Variants in LOXHD1 observed in about 807,000 individuals in gnomAD.
The protein encoded by LOXHD1 is lipoxygenase homology PLAT domains 1.
A neutral mutation model predicts 248.2 loss-of-function variants in LOXHD1; 205 were observed. The ratio of observed to expected loss-of-function variants is 0.83; its 90% confidence interval spans 0.74 to 0.93. The LOEUF (loss-of-function observed/expected upper bound fraction) is 0.93. Ranked by LOEUF, LOXHD1 falls within the 40% of genes least tolerant of loss-of-function variation. LOXHD1 has a pLI of 0.00. For synonymous variants in LOXHD1, 1,113 were observed against 1,162.8 expected (o/e 0.96, Z 0.87); for missense variants, 2,930 against 2,971.6 (o/e 0.99, Z 0.33).
rs74740919 is a variant in LOXHD1 at position 46,507,908 on chromosome 18, G to A, written c.5518-196C>T. ...GCCCTGTCCTGTGTGCCTGGCATGG[G>A]ATTTGAAGTCCTTACGAGGACTGCC... is the stretch of plus-strand genomic sequence containing the variant. On this transcript the variant is annotated intron_variant, in intron 35 of 40. Transcript: ENST00000642948. 0.018 allele frequency among the ~76,000 whole-genome samples: 2,747 copies of A among 152,280 alleles called. 74 individuals are homozygous for A. The highest frequency in any genetic ancestry group is 0.063 in the African/African-American group (2,600 of 41,530).
At position 46,546,904 on chromosome 18, in the gene LOXHD1, C is replaced by A. The variant is rs2143821653; in HGVS notation, c.3505G>T (p.Glu1169Ter). 1.3e-6 allele frequency: 2 copies of A among 1,550,290 alleles called. No homozygotes were observed. Among genetic ancestry groups the A allele is most frequent in the Non-Finnish European group, 8.7e-7 (1 of 1,145,840 alleles). ...CTCTAGTTTAGAAAACCTTTCTGCT[C>A]CAGGGCCAGGTTGTCGAGGGGGTTG... Reference protein sequence around the residue: ...DNNPLDNLALEQKDKSTTFSV... With the variant: ...DNNPLDNLAL The change falls in exon 22 of 41, where the codon GAG (glutamate) becomes TAG (stop). Residue 1169 changes from glutamate to a stop codon, truncating the protein, a stop_gained. Coordinates refer to ENST00000642948, the MANE Select transcript of LOXHD1 (RefSeq NM_001384474.1). LOFTEE classifies it high-confidence loss of function.
intron 26 of LOXHD1, among the ~76,000 whole-genome samples, chr18:46,535,372 G>A (rs1464506706): frequency 6.6e-6 from 1 of 151,882 alleles, no homozygotes; most frequent in Non-Finnish European, 1.5e-5. Flanking sequence ...CCTTAACCAC[G>A]ATGGTGTGCA....
intron 17 of LOXHD1, among the ~76,000 whole-genome samples, chr18:46,564,089 AGAGAGT>A (rs2037586810): frequency 6.9e-6 from 1 of 145,244 alleles, no homozygotes; most frequent in South Asian, 2.2e-4. Flanking sequence ...AGGGGGAGAG[AGAGAGT>A]GTGTGTGTGT....
At chr18:46,487,348 G>A (rs977462708) in intron 38 of LOXHD1, among the ~76,000 whole-genome samples, 38 of 152,210 alleles carry the variant, frequency 2.5e-4, no homozygotes, top group African/African-American at 8.9e-4. Context: ...AAGAGGGAAA[G>A]GGGCAGGATG....
chr18:46,574,308 T>C (rs551370163), intron 14 of LOXHD1, among the ~76,000 whole-genome samples: 15 of 151,956 alleles, frequency 9.9e-5, no homozygotes, highest in African/African-American at 2.7e-4. Flanking sequence ...CAGAGTGAGA[T>C]GTTGCTAAAA....
intron 25 of LOXHD1, among the ~76,000 whole-genome samples, chr18:46,538,979 G>C (rs183197535): frequency 2.6e-5 from 4 of 152,288 alleles, no homozygotes; most frequent in African/African-American, 9.6e-5. Context: ...ATAGCAGGAG[G>C]CGAGGGCTGC....
Position 46,477,908 on chromosome 18 carries a change from C to T in LOXHD1, c.6386G>A (p.Arg2129Lys). Residue 2129 changes from arginine (R) to lysine (K), a missense_variant, in exon 41 of 41, where the codon AGG (arginine) becomes AAG (lysine). Coordinates refer to ENST00000642948, the MANE Select transcript of LOXHD1 (RefSeq NM_001384474.1). Reference sequence around the variant, plus strand: ...AACCTCGAATACCTTGAAGTACTTCCTCTTCCTCTTGAGGGGGATGAGGCA... The same window carrying T: ...AACCTCGAATACCTTGAAGTACTTCTTCTTCCTCTTGAGGGGGATGAGGCA... ...CDCLIPLKRK[R>K]KYFKVFEVTK... The T allele has an allele frequency of 6.4e-7, 1 of 1,551,222 alleles. No homozygotes were observed. The highest frequency in any genetic ancestry group is 8.7e-7 in the Non-Finnish European group (1 of 1,146,526).
rs144073128 is a variant in LOXHD1, at chr18:46,556,527, G to A, written c.3350+829C>T. On this transcript the variant is annotated intron_variant, in intron 21 of 40. Coordinates refer to ENST00000642948, the MANE Select transcript of LOXHD1 (RefSeq NM_001384474.1). Reference sequence around the variant, plus strand: ...AGGCAATGCCCATCCAGCCTGCAACGTGGGCAAACCTGCTCTGGTGGCCAT... The same window carrying A: ...AGGCAATGCCCATCCAGCCTGCAACATGGGCAAACCTGCTCTGGTGGCCAT... Among the ~76,000 whole-genome samples the A allele has an allele frequency of 2.0e-3, 305 of 152,210 alleles. 1 individual carries two copies. Among genetic ancestry groups the A allele is most frequent in the African/African-American group, 7.1e-3 (295 of 41,502 alleles).
chr18:46,566,586 A>G, intron 16 of LOXHD1, 137 bp from the exon 17 acceptor site: 1 of 786,862 alleles, frequency 1.3e-6, no homozygotes, highest in Non-Finnish European at 2.0e-6. Flanking sequence ...TCCATGGGAA[A>G]GCTGGAATCC....
At chr18:46,561,431 A>T (rs897546558) in intron 18 of LOXHD1, among the ~76,000 whole-genome samples, 1 of 152,204 alleles carries the variant, frequency 6.6e-6, no homozygotes, top group Non-Finnish European at 1.5e-5. Flanking sequence ...ACCCACATTA[A>T]GGTAGGGTCT....
intron 14 of LOXHD1, among the ~76,000 whole-genome samples, chr18:46,572,896 G>C (rs1236480567): frequency 6.6e-6 from 1 of 151,834 alleles, no homozygotes; most frequent in African/African-American, 2.4e-5. Flanking sequence ...GGTGGTGGGC[G>C]CCTGTAGTCC....
intron 37 of LOXHD1, among the ~76,000 whole-genome samples, chr18:46,503,459 G>A (rs905654184): frequency 1.3e-5 from 2 of 152,156 alleles, no homozygotes; most frequent in African/African-American, 4.8e-5. Flanking sequence ...TCACTGTTGA[G>A]TGTCATGGGA....
At chr18:46,610,265 C>A (rs2038485237) in intron 6 of LOXHD1, among the ~76,000 whole-genome samples, 1 of 151,896 alleles carries the variant, frequency 6.6e-6, no homozygotes, top group Non-Finnish European at 1.5e-5. Flanking sequence ...ATGGATGAAG[C>A]CAGAAACCGT....
intron 17 of LOXHD1, among the ~76,000 whole-genome samples, chr18:46,565,871 GCTGA>G (rs776238700): frequency 2.0e-5 from 3 of 151,688 alleles, no homozygotes; most frequent in Non-Finnish European, 2.9e-5. Context: ...GATGTGGAGG[GCTGA>G]CTGTGTATTT....
intron 21 of LOXHD1, among the ~76,000 whole-genome samples, chr18:46,552,749 C>T (rs1240885365): frequency 1.3e-5 from 2 of 152,206 alleles, no homozygotes; most frequent in African/African-American, 2.4e-5. Context: ...AACCAAAAGC[C>T]TGGGTGTGTT....
At chr18:46,554,177 G>T (rs1482581404) in intron 21 of LOXHD1, among the ~76,000 whole-genome samples, 1 of 152,172 alleles carries the variant, frequency 6.6e-6, no homozygotes, top group Non-Finnish European at 1.5e-5. Context: ...GGTGGGGATG[G>T]TGAAGATAGA....
At chr18:46,543,354 C>T (rs1598960517) in intron 23 of LOXHD1, among the ~76,000 whole-genome samples, 2 of 152,124 alleles carry the variant, frequency 1.3e-5, no homozygotes, top group Non-Finnish European at 2.9e-5. Context: ...TTATTTCATT[C>T]CTTTTTATGG....
chr18:46,629,115 A>G (rs2038785459), intron 4 of LOXHD1, among the ~76,000 whole-genome samples: 1 of 152,176 alleles, frequency 6.6e-6, no homozygotes, highest in African/African-American at 2.4e-5. Context: ...CCCTTTGGTT[A>G]TGAAAGTGGA....
chr18:46,589,426 G>C (rs1033298994), intron 12 of LOXHD1, among the ~76,000 whole-genome samples: 2 of 152,108 alleles, frequency 1.3e-5, no homozygotes, highest in African/African-American at 2.4e-5. Flanking sequence ...TTCATTTCTT[G>C]TCCGTCCCCC....
Sources: allele counts gnomAD v4.1 joint callset (sites outside exome capture counted in the v4.1 genomes callset), GRCh38; gene constraint gnomAD v4.1.1; transcripts MANE v1.5; gene names NCBI Gene and HGNC (gene_info 2026-07-23, HGNC 2026-07-21).